The following PRKN variants were observed in gnomAD, a reference collection of about 807,000 sequenced individuals.
The protein encoded by PRKN is parkin RBR E3 ubiquitin protein ligase.
Under a neutral mutation model 59.5 loss-of-function variants are expected in PRKN, and 56 were observed. The ratio of observed to expected loss-of-function variants is 0.94; its 90% CI spans 0.76 to 1.18. PRKN has a LOEUF of 1.18. Ranked by LOEUF, PRKN falls within the 50% of genes most tolerant of loss-of-function variation. The pLI is 0.00. For missense variants in PRKN, 657 were observed against 596.4 expected (o/e 1.10, Z -1.06); for synonymous variants, 250 against 222.1 (o/e 1.13, Z -1.12).
At chr6:162,388,483 C>T (rs998749558) in intron 2 of PRKN, among the ~76,000 whole-genome samples, 2 of 152,186 alleles carry the variant, frequency 1.3e-5, no homozygotes, top group African/African-American at 4.8e-5. Flanking sequence ...ACTTAGCACA[C>T]AGCAAGGTTG....
At chr6:161,677,233 G>A (rs750508662) in intron 7 of PRKN, among the ~76,000 whole-genome samples, 5 of 151,958 alleles carry the variant, frequency 3.3e-5, no homozygotes, top group Non-Finnish European at 4.4e-5. Context: ...AAGTAGGAGT[G>A]ATATAGAAGA....
chr6:162,481,372 A>G (rs1183309853), intron 1 of PRKN, among the ~76,000 whole-genome samples: 1 of 152,186 alleles, frequency 6.6e-6, no homozygotes, highest in Non-Finnish European at 1.5e-5. Context: ...AATTATTCTG[A>G]AACTGGTTGC....
chr6:161,951,591 A>G (rs1779991691), intron 6 of PRKN, among the ~76,000 whole-genome samples: 1 of 152,162 alleles, frequency 6.6e-6, no homozygotes, highest in African/African-American at 2.4e-5. Flanking sequence ...TCTCTGGTTT[A>G]GTTTGGTTGT....
chr6:162,682,878 CAGA>C (rs1266841568), intron 1 of PRKN, among the ~76,000 whole-genome samples: 2 of 151,986 alleles, frequency 1.3e-5, no homozygotes, highest in Non-Finnish European at 2.9e-5. Flanking sequence ...CATTTGCAAA[CAGA>C]AGAATCCCAA....
chr6:161,913,170 G>GA (rs762633376), intron 6 of PRKN, among the ~76,000 whole-genome samples: 24,981 of 86,360 alleles, frequency 0.29, 3,381 homozygotes, highest in Middle Eastern at 0.37. Flanking sequence ...TCCATCTCAG[G>GA]AAAAAAAAAA....
intron 1 of PRKN, among the ~76,000 whole-genome samples, chr6:162,490,132 G>A (rs759324935): frequency 6.6e-6 from 1 of 152,050 alleles, no homozygotes; most frequent in Non-Finnish European, 1.5e-5. Context: ...TCATAAAGAG[G>A]GAAGAGAAAA....
rs187212149 is a variant in PRKN, at chr6:161,616,599, C to T, written c.872-47183G>A. Among the ~76,000 whole-genome samples, 355 of 151,970 alleles carry T rather than the reference C, an allele frequency of 2.3e-3. 2 individuals are homozygous for T. The highest frequency in any genetic ancestry group is 7.8e-3 in the African/African-American group (324 of 41,436). On this transcript the variant is annotated intron_variant, in intron 7 of 11. Transcript: ENST00000366898. ...CCAACGGGCCCCAGTGTGTGATGTT[C>T]CCCTCCCTGTATCCATATGTTCTCA...
At chr6:161,718,120 A>G (rs1787064531) in intron 7 of PRKN, among the ~76,000 whole-genome samples, 1 of 152,160 alleles carries the variant, frequency 6.6e-6, no homozygotes, top group African/African-American at 2.4e-5. Context: ...ATTTTTCAAG[A>G]TGGTCTTTTT....
intron 6 of PRKN, among the ~76,000 whole-genome samples, chr6:161,810,330 T>G (rs1791508493): frequency 6.6e-6 from 1 of 152,200 alleles, no homozygotes; most frequent in Non-Finnish European, 1.5e-5. Flanking sequence ...AGGAAATACA[T>G]TTCTGTTATT....
At chr6:161,452,152 C>A (rs777983340) in intron 9 of PRKN, among the ~76,000 whole-genome samples, 131 of 151,758 alleles carry the variant, frequency 8.6e-4, no homozygotes, top group Admixed American at 3.2e-3. Flanking sequence ...TGGTCTTTCA[C>A]CGTATTGGCT....
intron 7 of PRKN, among the ~76,000 whole-genome samples, chr6:161,606,259 C>T (rs1415590786): frequency 2.0e-5 from 3 of 152,028 alleles, no homozygotes; most frequent in Non-Finnish European, 4.4e-5. Context: ...GTGATGTGAG[C>T]GTACACTAAA....
intron 7 of PRKN, among the ~76,000 whole-genome samples, chr6:161,594,976 T>C (rs1293552782): frequency 6.6e-6 from 1 of 152,068 alleles, no homozygotes; most frequent in Non-Finnish European, 1.5e-5. Context: ...TGAACACTGG[T>C]TGGGGGGGTC....
At chr6:161,967,181 C>T (rs1780614192) in intron 6 of PRKN, among the ~76,000 whole-genome samples, 1 of 152,224 alleles carries the variant, frequency 6.6e-6, no homozygotes, top group South Asian at 2.1e-4. Flanking sequence ...GGACACAAAT[C>T]ATGTACCTGA....
intron 1 of PRKN, among the ~76,000 whole-genome samples, chr6:162,511,112 GT>G (rs1412994408): frequency 6.6e-6 from 1 of 151,786 alleles, no homozygotes; most frequent in African/African-American, 2.4e-5. Flanking sequence ...AGATCTTAAA[GT>G]TTTTCTATAG....
At chr6:162,716,561 C>T (rs1358423007) in intron 1 of PRKN, among the ~76,000 whole-genome samples, 7 of 152,080 alleles carry the variant, frequency 4.6e-5, no homozygotes, top group Admixed American at 3.3e-4. Context: ...ATCTCCTGTC[C>T]AAAGCATAAC....
chr6:161,438,579 T>G (rs62436573), intron 9 of PRKN, among the ~76,000 whole-genome samples: 20,178 of 152,138 alleles, frequency 0.13, 1,445 homozygotes, highest in African/African-American at 0.17. Flanking sequence ...TCATAGGTTT[T>G]CTTACTTTCA....
chr6:162,596,422 T>G (rs144604099), intron 1 of PRKN, among the ~76,000 whole-genome samples: 2 of 152,340 alleles, frequency 1.3e-5, no homozygotes, highest in Non-Finnish European at 2.9e-5. Flanking sequence ...TGATGTTTCT[T>G]ACTTCATATT....
At chr6:162,090,673 C>A (rs111622227) in intron 4 of PRKN, among the ~76,000 whole-genome samples, 28 of 152,164 alleles carry the variant, frequency 1.8e-4, no homozygotes, top group African/African-American at 6.5e-4. Flanking sequence ...GATATTTTGA[C>A]TAAAGAGCCG....
intron 1 of PRKN, among the ~76,000 whole-genome samples, chr6:162,619,710 T>TCACA (rs56144864): frequency 0.048 from 7,293 of 150,460 alleles, 230 homozygotes; most frequent in Non-Finnish European, 0.073. Flanking sequence ...CTTTTTCCAC[T>TCACA]CACACACACA....
Sources: gnomAD v4.1 joint callset for allele counts (sites outside exome capture counted in the v4.1 genomes callset) on GRCh38, gnomAD v4.1.1 for gene constraint, MANE v1.5 for transcripts, NCBI Gene and HGNC (gene_info 2026-07-23, HGNC 2026-07-21) for gene names.